Variants in ERP29 observed in about 807,000 individuals in gnomAD.
ERP29 encodes the protein endoplasmic reticulum resident protein 29.
ERP29 carries 14 observed loss-of-function variants against 21.7 expected under a neutral mutation model. The ratio of observed to expected loss-of-function variants is 0.64; its 90% confidence interval spans 0.43 to 1.01. ERP29 has a LOEUF of 1.01. ERP29 is among the 50% of genes least tolerant of loss of function. The pLI is 0.00. For synonymous variants in ERP29, 129 were observed against 139.1 expected (o/e 0.93, Z 0.51); for missense variants, 286 against 327.3 (o/e 0.87, Z 0.97).
chr12:112,018,744 A>G (rs546727722), intron 1 of ERP29: 81 of 152,398 alleles, frequency 5.3e-4, no homozygotes, highest in African/African-American at 1.9e-3. Flanking sequence ...CAGTAGCCAA[A>G]AGGTGGAAAC....
At position 112,020,997 on chromosome 12, in the gene ERP29, A is replaced by G. The variant is rs538659924; in HGVS notation, c.283+1103A>G. ...TAGTTGGTCTTAGCCGTTTCTCGGC[A>G]AAGTGTAAGAAACCAGTTGTCACAG... On this transcript the variant is annotated intron_variant, in intron 2 of 2. Coordinates refer to ENST00000261735, the MANE Select transcript of ERP29 (RefSeq NM_006817.4). Among the ~76,000 whole-genome samples the G allele has an allele frequency of 9.2e-5, 14 of 152,350 alleles. No homozygotes were observed. The East Asian group carries it at 1.3e-3, about 15-fold the overall frequency.
At chr12:112,017,276 T>C (rs2078017323) in intron 1 of ERP29, among the ~76,000 whole-genome samples, 1 of 152,138 alleles carries the variant, frequency 6.6e-6, no homozygotes. Context: ...TTCTCATAAA[T>C]GTATTCTAGT....
intron 1 of ERP29, 34 bp downstream of exon 1, chr12:112,013,643 C>T: frequency 6.6e-7 from 1 of 1,504,132 alleles, no homozygotes. Flanking sequence ...GCGCAGGTGC[C>T]GCCGGGGCGC....
rs2078060665 is a variant in ERP29 at position 112,022,975 on chromosome 12, GT to G, written c.*327del. On this transcript the variant is annotated 3_prime_UTR_variant, in exon 3 of 3. Transcript: ENST00000261735. ...ATTCTCATTCAATTAAAGTTTCAGTGTTTTGGTTAAGTGGACCTGAAGCCAT... is the reference window on the plus strand; with the variant it reads ...ATTCTCATTCAATTAAAGTTTCAGTGTTTGGTTAAGTGGACCTGAAGCCAT... 2 of 239,454 alleles carry G rather than the reference GT, an allele frequency of 8.4e-6. No individual in the cohort carries two copies. Among genetic ancestry groups the G allele is most frequent in the East Asian group, 1.8e-4 (2 of 11,326 alleles). The allele number at this position is 239,454 out of a possible 1,614,324, so 14.8% of individuals were successfully genotyped here.
intron 1 of ERP29, among the ~76,000 whole-genome samples, chr12:112,018,444 T>C (rs184514973): frequency 6.6e-6 from 1 of 152,232 alleles, no homozygotes; most frequent in Admixed American, 6.5e-5. Flanking sequence ...AGCCTTGACA[T>C]GATTATTTAC....
intron 1 of ERP29, among the ~76,000 whole-genome samples, chr12:112,017,840 AG>A: frequency 7.4e-6 from 1 of 134,722 alleles, no homozygotes; most frequent in Non-Finnish European, 1.5e-5. Flanking sequence ...GCTGGAGTGC[AG>A]TGGCGCGATC....
intron 1 of ERP29, among the ~76,000 whole-genome samples, chr12:112,016,907 T>C (rs1385614165): frequency 1.3e-5 from 2 of 151,828 alleles, no homozygotes; most frequent in East Asian, 3.9e-4. Flanking sequence ...AAATAAAAAA[T>C]AACAGACTAA....
chr12:112,016,159 C>T (rs555144663), intron 1 of ERP29, among the ~76,000 whole-genome samples: 8 of 152,346 alleles, frequency 5.3e-5, no homozygotes, highest in Non-Finnish European at 8.8e-5. Context: ...TGATCGTCTG[C>T]GCTGCATAAC....
rs781692469 is a variant in ERP29 at position 112,013,542 on chromosome 12, C to T, written c.77C>T (p.Ala26Val). 2.5e-6 allele frequency: 4 copies of T among 1,612,858 alleles called. No individual in the cohort carries two copies. The highest frequency in any genetic ancestry group is 2.2e-5 in the East Asian group (1 of 44,566). ...CTCCTGGGCTTCCTGCTCCTCTCCG[C>T]TCCGCATGGCGGCAGCGGCCTGCAC... ...PLLLGFLLLS[A>V]PHGGSGLHTK... Residue 26 changes from alanine (A) to valine (V), a missense_variant, in exon 1 of 3, where the codon GCT becomes GTT. Coordinates refer to ENST00000261735, the MANE Select transcript of ERP29 (RefSeq NM_006817.4).
chr12:112,019,809 C>T lies in ERP29; in HGVS notation c.198C>T (p.Tyr66=), dbSNP rs779275421. 14 of 1,613,928 alleles carry T rather than the reference C, an allele frequency of 8.7e-6. No homozygotes were observed. The highest frequency in any genetic ancestry group is 5.5e-5 in the South Asian group (5 of 91,068). The change falls in exon 2 of 3, where the codon TAC becomes TAT. Residue 66 remains tyrosine (Y), a synonymous_variant. Transcript: ENST00000261735. ...TGAAGTTCGACACCCAGTACCCCTA[C>T]GGTGAGAAGCAGGATGAGTTCAAGC... The part of the protein sequence containing the change: ...VLVKFDTQYP[Y]GEKQDEFKRL...
At chr12:112,018,888 G>T (rs1019634121) in intron 1 of ERP29, 9 of 152,160 alleles carry the variant, frequency 5.9e-5, no homozygotes, top group African/African-American at 2.2e-4. Flanking sequence ...AACATGCTAA[G>T]TGAAAAAAGC....
At position 112,022,607 on chromosome 12, in the gene ERP29, C is replaced by T. The variant is rs1182490538; in HGVS notation, c.741C>T (p.Ile247=). ...KKEELQKSLN[I]LTAFQKKGAE... ...AGGAGCTCCAGAAGAGCTTAAACAT[C>T]CTGACTGCCTTCCAGAAGAAGGGGG... The change falls in exon 3 of 3, where the codon ATC becomes ATT. Residue 247 remains isoleucine, a synonymous_variant. Coordinates refer to ENST00000261735, the MANE Select transcript of ERP29 (RefSeq NM_006817.4). 6.2e-7 allele frequency: 1 copy of T among 1,613,026 alleles called. No homozygotes were observed. Among genetic ancestry groups the T allele is most frequent in the Non-Finnish European group, 8.5e-7 (1 of 1,179,504 alleles).
intron 1 of ERP29, 52 bp from the exon 2 acceptor site, chr12:112,019,704 T>C (rs1310457632): frequency 6.2e-7 from 1 of 1,612,798 alleles, no homozygotes; most frequent in African/African-American, 1.3e-5. Context: ...GAAGGGGAAT[T>C]AGCCCCAAAA....
At position 112,019,810 on chromosome 12, in the gene ERP29, G is replaced by A. The variant is rs879118935; in HGVS notation, c.199G>A (p.Gly67Ser). 6 of 1,613,928 alleles carry A rather than the reference G, an allele frequency of 3.7e-6. No homozygotes were observed. The highest frequency in any genetic ancestry group is 5.1e-6 in the Non-Finnish European group (6 of 1,180,028). Residue 67 changes from glycine (G) to serine (S), a missense_variant, in exon 2 of 3, where the codon GGT becomes AGT. Gly to Ser is a moderately conservative substitution (Grantham distance 56). Coordinates refer to ENST00000261735, the MANE Select transcript of ERP29 (RefSeq NM_006817.4). The stretch of plus-strand genomic sequence containing the variant: ...GAAGTTCGACACCCAGTACCCCTAC[G>A]GTGAGAAGCAGGATGAGTTCAAGCG... The part of the protein sequence containing the change: ...LVKFDTQYPY[G>S]EKQDEFKRLA...
chr12:112,013,469 G>A lies in ERP29; in HGVS notation c.4G>A (p.Ala2Thr). Residue 2 changes from alanine (A) to threonine (T), a missense_variant, in exon 1 of 3, where the codon GCT becomes ACT. By Grantham distance (58) the Ala-to-Thr change is moderately conservative. Transcript: ENST00000261735. ...CCCTCTGCAGGAACCCGGCGATATG[G>A]CTGCCGCTGTGCCCCGCGCCGCATT... M[A>T]AAVPRAAFLS... 1 of 1,611,182 alleles carries A rather than the reference G, an allele frequency of 6.2e-7. No homozygotes were observed.
intron 1 of ERP29, among the ~76,000 whole-genome samples, chr12:112,017,942 G>A (rs994414946): frequency 2.0e-5 from 3 of 151,478 alleles, no homozygotes; most frequent in Admixed American, 6.6e-5. Context: ...CCACCACAAC[G>A]CCCAGCTAAT....
intron 2 of ERP29, among the ~76,000 whole-genome samples, chr12:112,021,617 G>A (rs1330589370): frequency 7.2e-6 from 1 of 139,028 alleles, no homozygotes; most frequent in Non-Finnish European, 1.5e-5. Flanking sequence ...TCCACCTCCT[G>A]GGTTCAAGCG....
chr12:112,022,819 TTGGGATGTCTCTAGC>T lies in ERP29; in HGVS notation c.*171_*185del, dbSNP rs1229023884. 3 of 681,994 alleles carry T rather than the reference TTGGGATGTCTCTAGC, an allele frequency of 4.4e-6. No individual in the cohort carries two copies. In the African/African-American group the frequency reaches 5.4e-5, roughly 12 times the overall value. 42.2% of individuals were successfully genotyped at this position (681,994 alleles called of 1,614,324 possible). The stretch of plus-strand genomic sequence containing the variant: ...GACATTGATGCTAACATGACCATGC[TTGGGATGTCTCTAGC>T]TGGTCTGGGGATAGCTGGAGCACTT... On this transcript the variant is annotated 3_prime_UTR_variant, in exon 3 of 3. Transcript: ENST00000261735.
At chr12:112,014,686 C>T (rs1322990385) in intron 1 of ERP29, 1 of 152,270 alleles carries the variant, frequency 6.6e-6, no homozygotes, top group African/African-American at 2.4e-5. Context: ...CTGTCTTCAC[C>T]CACGAGCAGC....
Sources: allele counts gnomAD v4.1 joint callset (sites outside exome capture counted in the v4.1 genomes callset), GRCh38; gene constraint gnomAD v4.1.1; transcripts MANE v1.5; gene names NCBI Gene and HGNC (gene_info 2026-07-23, HGNC 2026-07-21).